CYP24A1: variants seen among roughly 807,000 people sequenced by gnomAD.
CYP24A1 encodes 1,25-dihydroxyvitamin D(3) 24-hydroxylase, mitochondrial.
In CYP24A1, 68 loss-of-function variants were observed where a neutral mutation model predicts 62.4. The observed-to-expected ratio is 1.09, with a 90% confidence interval of 0.90 to 1.33. CYP24A1 has a LOEUF of 1.33. Ranked by LOEUF, CYP24A1 falls within the 40% of genes most tolerant of loss-of-function variation. The pLI, the probability that CYP24A1 is intolerant of heterozygous loss-of-function variation, is 0.00. For missense variants in CYP24A1, 787 were observed against 653.0 expected (o/e 1.21, Z -2.24); for synonymous variants, 267 against 253.0 (o/e 1.06, Z -0.52).
At chr20:54,155,504 C>T (rs974701908) in intron 11 of CYP24A1, among the ~76,000 whole-genome samples, 23 of 152,046 alleles carry the variant, frequency 1.5e-4, no homozygotes, top group African/African-American at 2.4e-4. Context: ...GAGGCCGAGG[C>T]GGGTGGATCA....
chr20:54,146,091 T>G, the CYP24A1 span, among the ~76,000 whole-genome samples: 1 of 152,176 alleles, frequency 6.6e-6, no homozygotes, highest in Non-Finnish European at 1.5e-5. Flanking sequence ...CTTAATAAAA[T>G]GCTGAAAAAA....
At chr20:54,150,106 CA>C (rs1207066197), downstream of CYP24A1, among the ~76,000 whole-genome samples, 1 of 152,046 alleles carries the variant, frequency 6.6e-6, no homozygotes, top group Non-Finnish European at 1.5e-5. Context: ...TGATTTTTCA[CA>C]AAAAAATTTG....
chr20:54,148,255 A>C, the CYP24A1 span, among the ~76,000 whole-genome samples: 1 of 151,826 alleles, frequency 6.6e-6, no homozygotes, highest in African/African-American at 2.4e-5. Context: ...GAAAAGTTAC[A>C]TGAACAGTAC....
chr20:54,172,859 C>T (rs2092698586), intron 2 of CYP24A1, 50 bp downstream of exon 2: 2 of 1,611,764 alleles, frequency 1.2e-6, no homozygotes, highest in South Asian at 2.2e-5. Flanking sequence ...CAGGCGCCGT[C>T]AGGCTCATCA....
chr20:54,151,808 A>G (rs925615336), downstream of CYP24A1, among the ~76,000 whole-genome samples: 1 of 152,124 alleles, frequency 6.6e-6, no homozygotes, highest in African/African-American at 2.4e-5. Context: ...CTTTGTTGGA[A>G]TCCTGGCTTC....
intron 7 of CYP24A1, among the ~76,000 whole-genome samples, chr20:54,161,109 C>A (rs905871539): frequency 5.9e-5 from 9 of 152,258 alleles, no homozygotes; most frequent in African/African-American, 1.9e-4. Context: ...CCAGGCTGGG[C>A]TCACAAGGCT....
At chr20:54,150,346 T>C (rs1314945721), downstream of CYP24A1, among the ~76,000 whole-genome samples, 2 of 152,224 alleles carry the variant, frequency 1.3e-5, no homozygotes, top group African/African-American at 4.8e-5. Flanking sequence ...TTTTATTTTA[T>C]TTTTTGATAT....
chr20:54,173,326 G>T lies in CYP24A1; in HGVS notation c.254C>A (p.Thr85Asn). Residue 85 changes from threonine (T) to asparagine (N), a missense_variant, in exon 1 of 12, where the codon ACC becomes AAC. Physicochemically the swap from Thr to Asn is moderately conservative, Grantham distance 65. Transcript: ENST00000216862. This position sits in a 1 kb window ranked among gnomAD's most constrained non-coding sequence, Gnocchi z 7.2. ...GGGGCGCGAAAAGGGGTTTACCAGG[G>T]TGTCGTGCTGTTTCTTGAGACCCCC... is the stretch of plus-strand genomic sequence containing the variant. The part of the protein sequence containing the change: ...WKGGLKKQHD[T>N]LVEYHKKYGK... 1 of 1,608,526 alleles carries T rather than the reference G, an allele frequency of 6.2e-7. No individual in the cohort carries two copies. The highest frequency in any genetic ancestry group is 8.5e-7 in the Non-Finnish European group (1 of 1,176,626).
chr20:54,162,366 A>G (rs2092654445), intron 7 of CYP24A1, among the ~76,000 whole-genome samples: 1 of 150,024 alleles, frequency 6.7e-6, no homozygotes, highest in Non-Finnish European at 1.5e-5. Flanking sequence ...AGAGAACTTT[A>G]CTGCTCCTGA....
the CYP24A1 span, among the ~76,000 whole-genome samples, chr20:54,143,688 G>C: frequency 7.9e-5 from 12 of 150,970 alleles, no homozygotes; most frequent in Non-Finnish European, 1.2e-4. Flanking sequence ...AGAGATCCAG[G>C]ATTAAAAAGA....
chr20:54,154,939 T>TAAAAAAAAAAAAAAAAAAAA (rs61165834), intron 11 of CYP24A1, 178 bp from the exon 12 acceptor site: 1 of 49,856 alleles, frequency 2.0e-5, no homozygotes, highest in African/African-American at 8.1e-5. Context: ...TTGGTCTTGG[T>TAAAAAAAAAAAAAAAAAAAA]AAAAAAAAAA....
chr20:54,165,648 G>A, intron 5 of CYP24A1, 94 bp downstream of exon 5: 3 of 806,566 alleles, frequency 3.7e-6, no homozygotes, highest in Non-Finnish European at 4.4e-6. Flanking sequence ...AAATATGTGT[G>A]TATGCCATTT....
chr20:54,167,896 A>C (rs2092677929), intron 4 of CYP24A1, among the ~76,000 whole-genome samples: 1 of 152,214 alleles, frequency 6.6e-6, no homozygotes, highest in African/African-American at 2.4e-5. Flanking sequence ...TGATCCTCCC[A>C]GTAAATCTGC....
At chr20:54,148,369 G>GACACACACAC in the CYP24A1 span, among the ~76,000 whole-genome samples, 8,614 of 133,362 alleles carry the variant, frequency 0.065, 506 homozygotes, top group Non-Finnish European at 0.088. Context: ...CAGACACACA[G>GACACACACAC]ACACACACAC....
Position 54,170,850 on chromosome 20 carries a change from A to G in CYP24A1, c.543+727T>C, listed in dbSNP as rs143614598. Among the ~76,000 whole-genome samples the G allele has an allele frequency of 3.0e-3, 460 of 152,338 alleles. 1 individual carries two copies. The highest frequency in any genetic ancestry group is 0.011 in the African/African-American group (444 of 41,570). ...CCCATCTGGGGACGCATCCAGTTCA[A>G]AATAAACATCCAAAGTGAACAGAAG... On this transcript the variant is annotated intron_variant, in intron 3 of 11. Coordinates refer to ENST00000216862, the MANE Select transcript of CYP24A1 (RefSeq NM_000782.5).
intron 7 of CYP24A1, 97 bp downstream of exon 7, chr20:54,162,620 C>G: frequency 1.3e-6 from 1 of 780,986 alleles, no homozygotes; most frequent in Non-Finnish European, 2.2e-6. Flanking sequence ...CTAGTGAATC[C>G]CAGTGAAATG....
At position 54,154,548 on chromosome 20, in the gene CYP24A1, CG is replaced by C. The variant is rs2146454588; in HGVS notation, c.*223del. The C allele has an allele frequency of 6.6e-6, 1 of 152,606 alleles. No individual in the cohort carries two copies. Among genetic ancestry groups the C allele is most frequent in the Admixed American group, 6.5e-5 (1 of 15,306 alleles). The allele number at this position is 152,606 out of a possible 1,614,324, so 9.5% of individuals were successfully genotyped here. A position where few individuals can be genotyped will look rare whatever the true frequency, so the allele number is the denominator to read the frequency against. On this transcript the variant is annotated 3_prime_UTR_variant, in exon 12 of 12. Coordinates refer to ENST00000216862, the MANE Select transcript of CYP24A1 (RefSeq NM_000782.5). Reference sequence around the variant, plus strand: ...TGAATGTGGTAGGCAGGGCCTGAAACGGTTTGTAACCTCTACCTGACTGACA... The same window carrying C: ...TGAATGTGGTAGGCAGGGCCTGAAACGTTTGTAACCTCTACCTGACTGACA...
chr20:54,164,910 C>T (rs1286457032), intron 5 of CYP24A1, among the ~76,000 whole-genome samples: 5 of 151,692 alleles, frequency 3.3e-5, no homozygotes, highest in Non-Finnish European at 5.9e-5. Context: ...CAGTGATTTC[C>T]AAACCAATTT....
intron 5 of CYP24A1, among the ~76,000 whole-genome samples, chr20:54,164,855 C>T (rs994580156): frequency 6.0e-5 from 9 of 149,068 alleles, no homozygotes; most frequent in East Asian, 3.9e-4. Flanking sequence ...AGAGGAAAAA[C>T]GATAACTTTC....
Sources: gnomAD v4.1 joint callset for allele counts (sites outside exome capture counted in the v4.1 genomes callset) on GRCh38, gnomAD v4.1.1 for gene constraint, Gnocchi (gnomAD v3.1) non-coding constraint, MANE v1.5 for transcripts, NCBI Gene and HGNC (gene_info 2026-07-23, HGNC 2026-07-21) for gene names.